Variants in CLASP1 observed in about 807,000 individuals in gnomAD.
CLASP1 encodes CLIP-associating protein 1.
Under a neutral mutation model 192.3 loss-of-function variants are expected in CLASP1, and 38 were observed. The ratio of observed to expected loss-of-function variants is 0.20; its 90% CI spans 0.15 to 0.26. CLASP1 has a LOEUF of 0.26. Ranked by LOEUF, CLASP1 falls within the 10% of genes least tolerant of loss-of-function variation. CLASP1 has a pLI of 1.00. For missense variants in CLASP1, 1,433 were observed against 1,932.5 expected, an observed-to-expected ratio of 0.74 and a Z score of 4.85; for synonymous variants, 691 against 712.8, an observed-to-expected ratio of 0.97 and a Z score of 0.49.
intron 2 of CLASP1, among the ~76,000 whole-genome samples, chr2:121,574,303 G>A (rs1214403675): frequency 1.3e-5 from 2 of 150,462 alleles, no homozygotes; most frequent in Non-Finnish European, 3.0e-5. Flanking sequence ...ACTCCAGCCT[G>A]GGCGACAGAG....
At chr2:121,546,628 T>G (rs561471939) in intron 2 of CLASP1, among the ~76,000 whole-genome samples, 1 of 152,110 alleles carries the variant, frequency 6.6e-6, no homozygotes, top group South Asian at 2.1e-4. Flanking sequence ...GACTGCCTCA[T>G]GAACCCACTC....
At chr2:121,369,676 T>G (rs541755432) in intron 34 of CLASP1, among the ~76,000 whole-genome samples, 1 of 152,316 alleles carries the variant, frequency 6.6e-6, no homozygotes, top group African/African-American at 2.4e-5. Context: ...TTCCCTACAG[T>G]GCAAGCACTT....
At chr2:121,486,307 A>C (rs2092967420) in intron 8 of CLASP1, among the ~76,000 whole-genome samples, 1 of 152,196 alleles carries the variant, frequency 6.6e-6, no homozygotes, top group African/African-American at 2.4e-5. Context: ...GCAAAGGGGA[A>C]AGTTTTAAGC....
exon 30 of CLASP1, chr2:121,397,140 C>T: frequency 6.2e-7 from 1 of 1,613,642 alleles, no homozygotes; most frequent in Non-Finnish European, 8.5e-7. Context: ...TTGGACATAC[C>T]TTTCTCACGT....
chr2:121,540,616 G>A (rs1221962694), intron 2 of CLASP1, among the ~76,000 whole-genome samples: 6 of 152,016 alleles, frequency 3.9e-5, no homozygotes, highest in Middle Eastern at 3.4e-3. Context: ...GTGAAACCCC[G>A]TTTCTACTAA....
At chr2:121,433,707 G>C (rs758585891) in intron 19 of CLASP1, among the ~76,000 whole-genome samples, 8 of 152,204 alleles carry the variant, frequency 5.3e-5, no homozygotes, top group Non-Finnish European at 8.8e-5. Flanking sequence ...AGTGAGCTGA[G>C]ATCGTGCCAC....
intron 32 of CLASP1, among the ~76,000 whole-genome samples, chr2:121,385,168 A>C (rs2072922190): frequency 6.6e-6 from 1 of 152,242 alleles, no homozygotes; most frequent in Admixed American, 6.5e-5. Context: ...TAGCCTATTT[A>C]AATATTTCTA....
intron 8 of CLASP1, chr2:121,470,292 G>GTTTTTTT (rs1559333650): frequency 7.7e-6 from 2 of 260,194 alleles, no homozygotes; most frequent in South Asian, 2.9e-5. Context: ...GACCATCCAT[G>GTTTTTTT]CTTTTTTTTT....
At chr2:121,615,948 G>GA (rs2066383027) in intron 1 of CLASP1, among the ~76,000 whole-genome samples, 1 of 152,122 alleles carries the variant, frequency 6.6e-6, no homozygotes. Flanking sequence ...CAGCTTCATT[G>GA]AAAGTTCAAA....
intron 1 of CLASP1, among the ~76,000 whole-genome samples, chr2:121,627,505 A>G (rs1057038812): frequency 2.0e-5 from 3 of 152,326 alleles, no homozygotes; most frequent in African/African-American, 4.8e-5. Flanking sequence ...TACTTTTCCA[A>G]TTCCTTAGGA....
intron 19 of CLASP1, among the ~76,000 whole-genome samples, chr2:121,437,432 G>C (rs2082495204): frequency 6.6e-6 from 1 of 152,002 alleles, no homozygotes; most frequent in Non-Finnish European, 1.5e-5. Context: ...GAAATTTATG[G>C]GAATTCTTTA....
intron 34 of CLASP1, among the ~76,000 whole-genome samples, chr2:121,368,202 C>T (rs1040136840): frequency 5.9e-5 from 9 of 152,126 alleles, no homozygotes; most frequent in African/African-American, 1.9e-4. Flanking sequence ...CTTCTCACTG[C>T]GGCCCTGGCC....
At chr2:121,575,069 T>G (rs1412443112) in intron 2 of CLASP1, among the ~76,000 whole-genome samples, 1 of 152,170 alleles carries the variant, frequency 6.6e-6, no homozygotes, top group Non-Finnish European at 1.5e-5. Context: ...TTTCAAAGCA[T>G]CATGTTGTAC....
At chr2:121,467,321 G>A (rs2089804888) in intron 9 of CLASP1, among the ~76,000 whole-genome samples, 1 of 152,150 alleles carries the variant, frequency 6.6e-6, no homozygotes, top group Non-Finnish European at 1.5e-5. Context: ...TTGGGTATAT[G>A]CCCAATAATG....
chr2:121,434,036 T>C (rs58549385), intron 19 of CLASP1, among the ~76,000 whole-genome samples: 2,641 of 152,318 alleles, frequency 0.017, 83 homozygotes, highest in African/African-American at 0.06. Flanking sequence ...GCAGGAATTT[T>C]TGGAGTATCT....
chr2:121,340,792 G>C (rs1420012337), exon 40 of CLASP1: 2 of 1,166,900 alleles, frequency 1.7e-6, no homozygotes, highest in South Asian at 1.3e-5. Context: ...CCGATGAAGG[G>C]GGTGGGGAAA....
chr2:121,393,007 A>G (rs2074647125), intron 30 of CLASP1, among the ~76,000 whole-genome samples: 1 of 152,216 alleles, frequency 6.6e-6, no homozygotes, highest in African/African-American at 2.4e-5. Context: ...AAACACCCCA[A>G]TATACTGAGC....
chr2:121,637,460 A>G (rs1290589253), intron 1 of CLASP1, among the ~76,000 whole-genome samples: 1 of 152,232 alleles, frequency 6.6e-6, no homozygotes, highest in East Asian at 1.9e-4. Flanking sequence ...AAATTAACTC[A>G]AAGTGGATCA....
intron 8 of CLASP1, among the ~76,000 whole-genome samples, chr2:121,484,380 T>C (rs990031768): frequency 6.6e-6 from 1 of 152,140 alleles, no homozygotes; most frequent in Non-Finnish European, 1.5e-5. Flanking sequence ...CATTGCCCAA[T>C]TTATGCCAAA....
Sources: gnomAD v4.1 joint callset for allele counts (sites outside exome capture counted in the v4.1 genomes callset) on GRCh38, gnomAD v4.1.1 for gene constraint, MANE v1.5 for transcripts, NCBI Gene and HGNC (gene_info 2026-07-23, HGNC 2026-07-21) for gene names.